CFAP99: variants seen among roughly 807,000 people sequenced by gnomAD.
The protein encoded by CFAP99 is cilia- and flagella-associated protein 99.
CFAP99 carries 84 observed loss-of-function variants against 82.7 expected under a neutral mutation model. The ratio of observed to expected loss-of-function variants is 1.02; its 90% confidence interval spans 0.85 to 1.22. The LOEUF (loss-of-function observed/expected upper bound fraction) is 1.22, where lower values mean the gene tolerates loss of function less well. Ranked by LOEUF, CFAP99 falls within the 50% of genes most tolerant of loss-of-function variation. The probability of loss-of-function intolerance (pLI) is 0.00; values close to 1 mark genes in which losing one functional copy is unlikely to be tolerated. For missense variants in CFAP99, 1,059 were observed against 983.5 expected (o/e 1.08, Z -1.03); for synonymous variants, 456 against 429.5 (o/e 1.06, Z -0.76).
Position 2,462,196 on chromosome 4 carries a change from A to G in CFAP99, c.1662-247A>G. On this transcript the variant is annotated intron_variant, in intron 14 of 14. Coordinates refer to ENST00000635017, the Ensembl canonical transcript of CFAP99. This position sits in a 1 kb window ranked among gnomAD's most constrained non-coding sequence, Gnocchi z 4.1. ...ACAACAACAACAAAAATTAAAGAAA[A>G]GAAAAAAAGAGCAAAAGGGTAGATA... 2.6e-6 allele frequency: 1 copy of G among 379,954 alleles called. No individual in the cohort carries two copies. The highest frequency in any genetic ancestry group is 4.7e-6 in the Non-Finnish European group (1 of 214,478). 23.5% of individuals were successfully genotyped at this position (379,954 alleles called of 1,614,324 possible). A position where few individuals can be genotyped will look rare whatever the true frequency, so the allele number is the denominator to read the frequency against.
At chr4:2,453,664 T>TTC (rs55642102) in intron 11 of CFAP99, among the ~76,000 whole-genome samples, 146,769 of 151,946 alleles carry the variant, frequency 0.97, 70,911 homozygotes, top group East Asian at 1. Context: ...TATAAATGAT[T>TTC]TGTGTCTATT....
chr4:2,443,072 G>C, intron 4 of CFAP99, 58 bp from the exon 5 acceptor site: 1 of 989,762 alleles, frequency 1.0e-6, no homozygotes, highest in Admixed American at 2.0e-5. Context: ...TGGGGACTTT[G>C]CCCGGTGAGG....
chr4:2,462,400 C>T lies in CFAP99; in HGVS notation c.1662-43C>T, dbSNP rs1041532863. Reference sequence around the variant, plus strand: ...GGTGGCATCCTGGGTCTGGCCTGGGCCTCCCGCCGGCCTGCTCCTGAGCCC... The same window carrying T: ...GGTGGCATCCTGGGTCTGGCCTGGGTCTCCCGCCGGCCTGCTCCTGAGCCC... On this transcript the variant is annotated intron_variant, in intron 14 of 14. Coordinates refer to ENST00000635017, the Ensembl canonical transcript of CFAP99. This position sits in a 1 kb window ranked among gnomAD's most constrained non-coding sequence, Gnocchi z 4.1. 5 of 1,394,316 alleles carry T rather than the reference C, an allele frequency of 3.6e-6. No homozygotes were observed. Among genetic ancestry groups the T allele is most frequent in the Non-Finnish European group, 4.6e-6 (5 of 1,087,272 alleles). The allele number at this position is 1,394,316 out of a possible 1,614,324, so 86.4% of individuals were successfully genotyped here. A position where few individuals can be genotyped will look rare whatever the true frequency, so the allele number is the denominator to read the frequency against.
chr4:2,455,782 C>A (rs535993737), intron 11 of CFAP99, among the ~76,000 whole-genome samples: 1 of 152,324 alleles, frequency 6.6e-6, no homozygotes, highest in South Asian at 2.1e-4. Context: ...TACATGCATT[C>A]ATGTGACTAA....
At chr4:2,421,501 C>T (rs1349784475) in intron 1 of CFAP99, among the ~76,000 whole-genome samples, 1 of 152,004 alleles carries the variant, frequency 6.6e-6, no homozygotes, top group Non-Finnish European at 1.5e-5. Context: ...TTACAGGCAC[C>T]TGCCACCACG....
chr4:2,436,779 C>G (rs781431087), intron 2 of CFAP99, 95 bp from the exon 3 acceptor site: 4 of 1,024,532 alleles, frequency 3.9e-6, no homozygotes, highest in Non-Finnish European at 5.7e-6. Context: ...GCCCCGGGGC[C>G]GCTCCACCCC....
intron 11 of CFAP99, among the ~76,000 whole-genome samples, chr4:2,453,761 CTTTAT>C (rs1443440794): frequency 1.8e-5 from 2 of 113,166 alleles, no homozygotes; most frequent in Non-Finnish European, 3.7e-5. Flanking sequence ...TTTTTTGGTT[CTTTAT>C]TTATTTAACT....
At chr4:2,459,384 G>A (rs187541211) in intron 13 of CFAP99, 126 bp downstream of exon 13, 133 of 1,159,918 alleles carry the variant, frequency 1.1e-4, no homozygotes, top group Non-Finnish European at 1.3e-4. Flanking sequence ...AACCTGGCCC[G>A]CCACCCTCCG....
chr4:2,460,166 A>G lies in CFAP99; in HGVS notation c.1585A>G (p.Lys529Glu), dbSNP rs1371664452. The change falls in exon 14 of 15, where the codon AAG becomes GAG. Residue 529 changes from lysine to glutamate, a missense_variant. Coordinates refer to ENST00000635017, the Ensembl canonical transcript of CFAP99. ...TCAAATCATTCAGGGCAAGCACACC[A>G]AGAGCCAGGAACTGCAGAACATGGT... 3 of 1,536,022 alleles carry G rather than the reference A, an allele frequency of 2.0e-6. No individual in the cohort carries two copies. Among genetic ancestry groups the G allele is most frequent in the Admixed American group, 3.9e-5 (2 of 50,978 alleles).
In CFAP99 at chr4:2,443,313, C is replaced by T. The variant is rs564931333; in HGVS notation, c.464+71C>T. On this transcript the variant is annotated intron_variant, in intron 5 of 14. Transcript: ENST00000635017. Reference sequence around the variant, plus strand: ...CCCATTCCAGGTGCCTCCACGGGCACGGGAGCTCCACGTTCCCCTTCCTGC... The same window carrying T: ...CCCATTCCAGGTGCCTCCACGGGCATGGGAGCTCCACGTTCCCCTTCCTGC... 110 of 932,454 alleles carry T rather than the reference C, an allele frequency of 1.2e-4. No homozygotes were observed. The African/African-American group carries it at 1.4e-3, about 12-fold the overall frequency. The allele number at this position is 932,454 out of a possible 1,614,324, so 57.8% of individuals were successfully genotyped here.
chr4:2,452,270 G>T, exon 11 of CFAP99: 1 of 1,535,994 alleles, frequency 6.5e-7, no homozygotes, highest in African/African-American at 1.4e-5. Context: ...GGGAAGCTTA[G>T]CCATGAGGAG....
chr4:2,433,775 A>C (rs1280999571), intron 2 of CFAP99, among the ~76,000 whole-genome samples: 1 of 152,222 alleles, frequency 6.6e-6, no homozygotes, highest in Non-Finnish European at 1.5e-5. Flanking sequence ...CAGTCCTCAC[A>C]GCCGTGGGGC....
At chr4:2,441,911 G>A (rs1578473194) in intron 4 of CFAP99, among the ~76,000 whole-genome samples, 1 of 152,344 alleles carries the variant, frequency 6.6e-6, no homozygotes, top group Admixed American at 6.5e-5. Context: ...CTCCCAGGAG[G>A]TGGCGCTCCT....
intron 2 of CFAP99, chr4:2,428,437 CT>C: frequency 6.6e-6 from 1 of 152,416 alleles, no homozygotes; most frequent in Non-Finnish European, 1.5e-5. Flanking sequence ...TCCCGCGGTC[CT>C]TCCCTTCTAT....
intron 4 of CFAP99, among the ~76,000 whole-genome samples, chr4:2,442,630 T>G (rs1219890469): frequency 1.3e-5 from 2 of 151,962 alleles, no homozygotes; most frequent in Non-Finnish European, 2.9e-5. Flanking sequence ...GCCGTCACCA[T>G]GGAGCCCCGG....
intron 11 of CFAP99, among the ~76,000 whole-genome samples, chr4:2,457,502 G>A (rs1734465214): frequency 1.3e-5 from 2 of 152,216 alleles, no homozygotes; most frequent in African/African-American, 4.8e-5. Context: ...AGGGCCCAAG[G>A]ATGCATGTGG....
At position 2,421,350 on chromosome 4, in the gene CFAP99, C is replaced by CTTTTTTTTTTT. The variant is rs10632358; in HGVS notation, c.-18+2269_-18+2279dup. ...AAAGAGAAGCTTTAGTCTGCCCACCCTTTTTTTTTTTTTTTTTTTTTTGAG... is the reference window on the plus strand; with the variant it reads ...AAAGAGAAGCTTTAGTCTGCCCACCCTTTTTTTTTTTTTTTTTTTTTTTTTTTTTTTTTGAG... On this transcript the variant is annotated intron_variant, in intron 1 of 14. Coordinates refer to ENST00000635017, the Ensembl canonical transcript of CFAP99. 8.2e-5 allele frequency among the ~76,000 whole-genome samples: 8 copies of CTTTTTTTTTTT among 96,984 alleles called. 1 individual carries two copies. The highest frequency in any genetic ancestry group is 1.4e-4 in the Admixed American group (1 of 7,030). 63.6% of individuals were successfully genotyped at this position (96,984 alleles called of 152,430 possible). A position where few individuals can be genotyped will look rare whatever the true frequency, so the allele number is the denominator to read the frequency against.
At chr4:2,455,236 T>A (rs1578481730) in intron 11 of CFAP99, among the ~76,000 whole-genome samples, 3 of 152,404 alleles carry the variant, frequency 2.0e-5, no homozygotes, top group South Asian at 4.1e-4. Context: ...TAATCCTTTA[T>A]AATAGATTGT....
At chr4:2,445,099 C>G (rs568965474) in intron 5 of CFAP99, 32 bp from the exon 6 acceptor site, 2 of 1,311,470 alleles carry the variant, frequency 1.5e-6, no homozygotes, top group African/African-American at 3.1e-5. Context: ...TAGGGAGTGA[C>G]CATAAGAGGT....
Sources: gnomAD v4.1 joint callset for allele counts (sites outside exome capture counted in the v4.1 genomes callset) on GRCh38, gnomAD v4.1.1 for gene constraint, Gnocchi (gnomAD v3.1) non-coding constraint, MANE v1.5 for transcripts, NCBI Gene and HGNC (gene_info 2026-07-23, HGNC 2026-07-21) for gene names.